The following DNAAF9 variants were observed in gnomAD, a reference collection of about 807,000 sequenced individuals.
The protein encoded by DNAAF9 is dynein axonemal assembly factor 9.
In DNAAF9, 90 loss-of-function variants were observed where a neutral mutation model predicts 167.0. The observed-to-expected ratio is 0.54, with a 90% CI of 0.45 to 0.64. The LOEUF is 0.64. DNAAF9 is among the 30% of genes least tolerant of loss of function. The pLI is 0.00. For synonymous variants in DNAAF9, 491 were observed against 508.8 expected (o/e 0.96, Z 0.47); for missense variants, 1,315 against 1,442.2 (o/e 0.91, Z 1.43).
At chr20:3,367,607 T>C (rs780789673) in intron 6 of DNAAF9, among the ~76,000 whole-genome samples, 1 of 151,960 alleles carries the variant, frequency 6.6e-6, no homozygotes, top group Non-Finnish European at 1.5e-5. Flanking sequence ...GGTCAATGAA[T>C]AGGGAAGTCA....
intron 1 of DNAAF9, among the ~76,000 whole-genome samples, chr20:3,399,493 C>T (rs1032268517): frequency 3.9e-5 from 6 of 152,128 alleles, no homozygotes; most frequent in Admixed American, 3.9e-4. Context: ...CAGGCATGAG[C>T]CACTGCGCCC....
chr20:3,271,259 C>T (rs2068587200), intron 29 of DNAAF9, among the ~76,000 whole-genome samples: 1 of 152,132 alleles, frequency 6.6e-6, no homozygotes, highest in South Asian at 2.1e-4. Context: ...AAAAACTCAC[C>T]ATATAACAGG....
intron 1 of DNAAF9, among the ~76,000 whole-genome samples, chr20:3,398,698 G>A (rs975408523): frequency 6.6e-6 from 1 of 152,204 alleles, no homozygotes; most frequent in African/African-American, 2.4e-5. Context: ...AACAGCAGAA[G>A]TAATAAAAGC....
At chr20:3,332,398 A>G in intron 10 of DNAAF9, 37 bp from the exon 11 acceptor site, 1 of 1,095,734 alleles carries the variant, frequency 9.1e-7, no homozygotes, top group Non-Finnish European at 1.4e-6. Context: ...AAAAGGGGCA[A>G]TAACTTAGGC....
intron 15 of DNAAF9, 22 bp downstream of exon 15, chr20:3,322,630 T>C (rs1463988088): frequency 5.7e-6 from 9 of 1,588,584 alleles, no homozygotes; most frequent in Non-Finnish European, 7.8e-6. Context: ...CATGTAAGGA[T>C]GCACCACAAT....
At chr20:3,359,666 T>A in intron 6 of DNAAF9, 73 bp from the exon 7 acceptor site, 1 of 1,069,988 alleles carries the variant, frequency 9.3e-7, no homozygotes, top group Non-Finnish European at 1.4e-6. Context: ...TTTTCTGATG[T>A]TCAGAAATGA....
At chr20:3,376,155 C>T (rs1386317480) in intron 4 of DNAAF9, 23 bp downstream of exon 4, 4 of 1,607,036 alleles carry the variant, frequency 2.5e-6, no homozygotes, top group African/African-American at 1.3e-5. Flanking sequence ...TCTCTAGGTG[C>T]CTGTCTTCTC....
At chr20:3,384,832 T>C (rs2083712155) in intron 1 of DNAAF9, among the ~76,000 whole-genome samples, 1 of 152,142 alleles carries the variant, frequency 6.6e-6, no homozygotes, top group African/African-American at 2.4e-5. Flanking sequence ...ATCCCTCATA[T>C]TAACAGGCTA....
At position 3,270,670 on chromosome 20, in the gene DNAAF9, C is replaced by T. The variant is rs1046008231; in HGVS notation, c.2651-108G>A. ...TCCCCTAATCATGCCTTCCAGTAGT[C>T]TCCTGATGGAGACAACCCTTACACC... On this transcript the variant is annotated intron_variant, in intron 29 of 36. Coordinates refer to ENST00000252032, the MANE Select transcript of DNAAF9 (RefSeq NM_001009984.3). 1.8e-5 allele frequency: 16 copies of T among 893,086 alleles called. No individual in the cohort carries two copies. In the Admixed American group the frequency reaches 2.5e-4, roughly 14 times the overall value. The allele number at this position is 893,086 out of a possible 1,614,324, so 55.3% of individuals were successfully genotyped here. A position where few individuals can be genotyped will look rare whatever the true frequency, so the allele number is the denominator to read the frequency against.
intron 6 of DNAAF9, among the ~76,000 whole-genome samples, chr20:3,372,394 G>A (rs2083522544): frequency 6.6e-6 from 1 of 152,252 alleles, no homozygotes; most frequent in African/African-American, 2.4e-5. Context: ...AGGATGTGGA[G>A]AGAGGGACCT....
chr20:3,377,255 G>A (rs1319204149), intron 3 of DNAAF9, among the ~76,000 whole-genome samples: 2 of 152,104 alleles, frequency 1.3e-5, no homozygotes, highest in African/African-American at 4.8e-5. Context: ...ATCTCCCCTG[G>A]ATCAGGAAAA....
chr20:3,386,795 CA>C (rs2083746141), intron 1 of DNAAF9, among the ~76,000 whole-genome samples: 1 of 151,434 alleles, frequency 6.6e-6, no homozygotes, highest in Admixed American at 6.6e-5. Context: ...AGAAAATGGG[CA>C]AAAGGTATAA....
At chr20:3,335,508 G>A (rs112397373) in intron 10 of DNAAF9, among the ~76,000 whole-genome samples, 1,776 of 152,228 alleles carry the variant, frequency 0.012, 19 homozygotes, top group Non-Finnish European at 0.02. Context: ...TGTAATCCTA[G>A]CACTTTGGGA....
chr20:3,394,415 T>C (rs2083870556), intron 1 of DNAAF9, among the ~76,000 whole-genome samples: 1 of 152,116 alleles, frequency 6.6e-6, no homozygotes, highest in Admixed American at 6.5e-5. Context: ...TTGTTTATAG[T>C]CTCTTTTTCA....
At chr20:3,361,681 G>A (rs191735640) in intron 6 of DNAAF9, among the ~76,000 whole-genome samples, 46 of 152,286 alleles carry the variant, frequency 3.0e-4, no homozygotes, top group Non-Finnish European at 7.3e-5. Context: ...AGGATGATTT[G>A]TTATAGCACA....
chr20:3,376,652 T>C (rs1025384205), intron 3 of DNAAF9, among the ~76,000 whole-genome samples: 1 of 152,200 alleles, frequency 6.6e-6, no homozygotes, highest in African/African-American at 2.4e-5. Flanking sequence ...AAAGTGTACA[T>C]TTGGTTTGGT....
At chr20:3,350,635 A>G (rs1456259457) in intron 7 of DNAAF9, among the ~76,000 whole-genome samples, 2 of 152,218 alleles carry the variant, frequency 1.3e-5, no homozygotes, top group East Asian at 3.9e-4. Context: ...AACATTTTAG[A>G]GAACTGACTG....
chr20:3,403,029 C>A (rs2084010012), intron 1 of DNAAF9, among the ~76,000 whole-genome samples: 2 of 152,138 alleles, frequency 1.3e-5, no homozygotes, highest in Non-Finnish European at 2.9e-5. Context: ...TACCTGCTAT[C>A]TCTCCCTGTT....
intron 1 of DNAAF9, among the ~76,000 whole-genome samples, chr20:3,395,253 G>A (rs2083889792): frequency 1.3e-5 from 2 of 149,748 alleles, no homozygotes; most frequent in Admixed American, 6.6e-5. Context: ...TTACAGGCGT[G>A]AGCCACCGCG....
Sources: gnomAD v4.1 joint callset for allele counts (sites outside exome capture counted in the v4.1 genomes callset) on GRCh38, gnomAD v4.1.1 for gene constraint, MANE v1.5 for transcripts, NCBI Gene and HGNC (gene_info 2026-07-23, HGNC 2026-07-21) for gene names.